RIF1: variants seen among roughly 807,000 people sequenced by gnomAD.
RIF1 encodes the protein replication timing regulatory factor 1.
RIF1 carries 45 observed loss-of-function variants against 247.1 expected under a neutral mutation model. The observed-to-expected ratio is 0.18, with a 90% CI of 0.14 to 0.23. The LOEUF (loss-of-function observed/expected upper bound fraction) is 0.23, where lower values mean the gene tolerates loss of function less well. RIF1 is among the 10% of genes least tolerant of loss of function. The pLI is 1.00. For missense variants in RIF1, 2,967 were observed against 2,862.5 expected, an observed-to-expected ratio of 1.04 and a Z score of -0.83; for synonymous variants, 1,087 against 978.8, an observed-to-expected ratio of 1.11 and a Z score of -2.06.
the RIF1 span, chr2:151,524,519 C>T: frequency 6.2e-7 from 1 of 1,613,980 alleles, no homozygotes; most frequent in South Asian, 1.1e-5. Context: ...CCTTACCTCA[C>T]TGGCCTGTTT....
chr2:151,457,172 A>G (rs1281139139), intron 23 of RIF1, among the ~76,000 whole-genome samples: 2 of 151,928 alleles, frequency 1.3e-5, no homozygotes, highest in East Asian at 3.9e-4. Flanking sequence ...CCTAGCTGGG[A>G]GTGCAGTGGC....
the RIF1 span, chr2:151,524,654 C>CTT: frequency 9.0e-3 from 2,311 of 256,962 alleles, 53 homozygotes; most frequent in South Asian, 0.019. Context: ...AAGAGAGAGG[C>CTT]TTTTTTTTTT....
At chr2:151,529,214 G>A in the RIF1 span, 2 of 1,604,324 alleles carry the variant, frequency 1.2e-6, no homozygotes, top group Non-Finnish European at 1.7e-6. Flanking sequence ...ACTTACATTG[G>A]TGTTGACTTT....
chr2:151,435,421 A>AG (rs767359131), intron 10 of RIF1, 42 bp from the exon 11 acceptor site: 25 of 1,078,098 alleles, frequency 2.3e-5, no homozygotes, highest in Admixed American at 9.0e-5. Flanking sequence ...AAACTGTGAC[A>AG]GTTGTATAGT....
intron 9 of RIF1, among the ~76,000 whole-genome samples, chr2:151,489,692 CAGCA>C: frequency 6.6e-6 from 1 of 152,200 alleles, no homozygotes; most frequent in Admixed American, 6.5e-5. Context: ...TCACTATGCC[CAGCA>C]AATGTTTAAG....
chr2:151,486,726 A>G (rs1330770621), downstream of RIF1: 2 of 152,248 alleles, frequency 1.3e-5, no homozygotes, highest in African/African-American at 4.8e-5. Flanking sequence ...ACATGGATGA[A>G]CTTCAAAAGT....
chr2:151,490,389 AC>A, intron 9 of RIF1: 1 of 1,591,476 alleles, frequency 6.3e-7, no homozygotes, highest in Non-Finnish European at 8.6e-7. Flanking sequence ...GACTGCAAAG[AC>A]ACCCCCGTCG....
Position 151,465,019 on chromosome 2 carries a change from C to G in RIF1, c.5499C>G (p.Asn1833Lys), listed in dbSNP as rs775445298. ...MQESLPSGIV[N>K]FREEICDMDS... ...AATCTCTTCCTTCTGGAATAGTAAACTTTAGAGAGGAAATTTGTGATATGG... is the reference window on the plus strand; with the variant it reads ...AATCTCTTCCTTCTGGAATAGTAAAGTTTAGAGAGGAAATTTGTGATATGG... Residue 1833 changes from asparagine (N) to lysine (K), a missense_variant, in exon 30 of 36, where the codon AAC becomes AAG. Asn to Lys is a moderately conservative substitution (Grantham distance 94, BLOSUM62 0). Coordinates refer to ENST00000444746, the MANE Select transcript of RIF1 (RefSeq NM_018151.5). 3 of 1,578,658 alleles carry G rather than the reference C, an allele frequency of 1.9e-6. No homozygotes were observed. In the South Asian group the frequency reaches 3.6e-5, roughly 19 times the overall value.
chr2:151,435,512 C>T lies in RIF1; in HGVS notation c.1127C>T (p.Ser376Leu), dbSNP rs1044152323. 4 of 1,613,018 alleles carry T rather than the reference C, an allele frequency of 2.5e-6. No individual in the cohort carries two copies. In the African/African-American group the frequency reaches 4.0e-5, roughly 16 times the overall value. ...ACAATAAGCATTGATTCTAATGCCT[C>T]ACCTCAGGGCAATTCGTGTCATGTA... ...QSTISIDSNASPQGNSCHVAT... is the reference protein window; with the variant it reads ...QSTISIDSNALPQGNSCHVAT... The change falls in exon 11 of 36, where the codon TCA (serine) becomes TTA (leucine). Residue 376 changes from serine to leucine, a missense_variant. Around this residue, in one of 7 missense-constraint regions of RIF1, gnomAD observed 369 missense variants for 322.0 expected, o/e 1.15. Coordinates refer to ENST00000444746, the MANE Select transcript of RIF1 (RefSeq NM_018151.5).
rs550789704 is a variant in RIF1 at position 151,417,154 on chromosome 2, A to G, written c.503+253A>G. On this transcript the variant is annotated intron_variant, in intron 6 of 35. Coordinates refer to ENST00000444746, the MANE Select transcript of RIF1 (RefSeq NM_018151.5). ...TTATGTTCCTGCTAGTAACATACACAGTTCAGGTTTGAAAAATATCTTAAA... is the reference window on the plus strand; with the variant it reads ...TTATGTTCCTGCTAGTAACATACACGGTTCAGGTTTGAAAAATATCTTAAA... Among the ~76,000 whole-genome samples, 59 of 152,352 alleles carry G rather than the reference A, an allele frequency of 3.9e-4. 1 individual carries two copies. The highest frequency in any genetic ancestry group is 1.4e-3 in the African/African-American group (57 of 41,588).
chr2:151,529,621 C>T, the RIF1 span, among the ~76,000 whole-genome samples: 42 of 152,036 alleles, frequency 2.8e-4, no homozygotes, highest in Middle Eastern at 3.4e-3. Context: ...ACCTCCGCCT[C>T]CCAGGTTCAA....
downstream of RIF1, among the ~76,000 whole-genome samples, chr2:151,485,109 A>G (rs1237893248): frequency 2.0e-5 from 3 of 152,236 alleles, no homozygotes; most frequent in East Asian, 5.8e-4. Context: ...GATGGGAAAG[A>G]TGCCCTTGAA....
At chr2:151,519,918 A>T in the RIF1 span, 1 of 551,736 alleles carries the variant, frequency 1.8e-6, no homozygotes, top group South Asian at 2.8e-5. Flanking sequence ...TAGAGTAAAG[A>T]AGACACTATT....
At chr2:151,430,978 T>C (rs1219390375) in intron 9 of RIF1, among the ~76,000 whole-genome samples, 1 of 152,194 alleles carries the variant, frequency 6.6e-6, no homozygotes, top group Non-Finnish European at 1.5e-5. Flanking sequence ...ATTGAAATTG[T>C]AGCTTATTTT....
intron 13 of RIF1, among the ~76,000 whole-genome samples, chr2:151,507,543 T>C (rs187465186): frequency 1.1e-3 from 169 of 152,330 alleles, no homozygotes; most frequent in Non-Finnish European, 5.4e-4. Flanking sequence ...TAGGAGAATC[T>C]GAACAAACAG....
intron 20 of RIF1, among the ~76,000 whole-genome samples, chr2:151,450,175 C>G (rs918953737): frequency 1.3e-5 from 2 of 151,834 alleles, no homozygotes. Context: ...TTAATAGCAC[C>G]AGGGAACTTG....
In RIF1 at chr2:151,435,582, TA is replaced by T; in HGVS notation, c.1195+4del. Reference sequence around the variant, plus strand: ...ATCCTATGACTCCTGTACACAAAGGTAAGAGGTAGATATTCTTGTTTTTTGC... The same window carrying T: ...ATCCTATGACTCCTGTACACAAAGGTAGAGGTAGATATTCTTGTTTTTTGC... On this transcript the variant is annotated splice_donor_region_variant and intron_variant, in intron 11 of 35. Transcript: ENST00000444746. The T allele has an allele frequency of 6.6e-7, 1 of 1,505,348 alleles. No individual in the cohort carries two copies. The highest frequency in any genetic ancestry group is 9.2e-7 in the Non-Finnish European group (1 of 1,081,680). The allele number at this position is 1,505,348 out of a possible 1,614,324, so 93.2% of individuals were successfully genotyped here.
At chr2:151,458,302 G>T (rs1280977409) in intron 24 of RIF1, among the ~76,000 whole-genome samples, 6 of 148,340 alleles carry the variant, frequency 4.0e-5, no homozygotes, top group Non-Finnish European at 7.4e-5. Flanking sequence ...GTGCGATCTG[G>T]GCTCACTGCA....
intron 18 of RIF1, 21 bp from the exon 19 acceptor site, chr2:151,445,315 CTT>C (rs1162173942): frequency 1.5e-6 from 2 of 1,323,562 alleles, no homozygotes; most frequent in African/African-American, 2.9e-5. Flanking sequence ...ATTTGTCTAA[CTT>C]CATTATTTTT....
Sources: gnomAD v4.1 joint callset for allele counts (sites outside exome capture counted in the v4.1 genomes callset) on GRCh38, gnomAD v4.1.1 for gene constraint, gnomAD v4.1.1 regional missense constraint, MANE v1.5 for transcripts, NCBI Gene and HGNC (gene_info 2026-07-23, HGNC 2026-07-21) for gene names.